TCERG1L: variants seen among roughly 807,000 people sequenced by gnomAD.
TCERG1L encodes transcription elongation regulator 1 like.
In TCERG1L, 37 loss-of-function variants were observed where a neutral mutation model predicts 56.3. The ratio of observed to expected loss-of-function variants is 0.66; its 90% CI spans 0.51 to 0.87. TCERG1L has a LOEUF of 0.87. Ranked by LOEUF, TCERG1L falls within the 40% of genes least tolerant of loss-of-function variation. The pLI, the probability that TCERG1L is intolerant of heterozygous loss-of-function variation, is 0.00. For missense variants in TCERG1L, 799 were observed against 774.2 expected (o/e 1.03, Z -0.38); for synonymous variants, 324 against 326.3 (o/e 0.99, Z 0.08).
chr10:131,193,512 G>C (rs1845326515), intron 4 of TCERG1L, among the ~76,000 whole-genome samples: 1 of 152,154 alleles, frequency 6.6e-6, no homozygotes, highest in Admixed American at 6.5e-5. Flanking sequence ...TTCTTGAGCT[G>C]ACTTTTGTAT....
rs1846299318 is a variant in TCERG1L at position 131,267,511 on chromosome 10, T to C, written c.671-7067A>G. The stretch of plus-strand genomic sequence containing the variant: ...TCCTGCCTGTCCCAGCTCTGCAAAG[T>C]GAGCAGACCTGGCTGTGCCCTTCTC... On this transcript the variant is annotated intron_variant, in intron 3 of 11. Coordinates refer to ENST00000368642, the MANE Select transcript of TCERG1L (RefSeq NM_174937.4). The surrounding 1 kb of genome is among the most constrained non-coding windows in gnomAD (Gnocchi z 4.9). Among the ~76,000 whole-genome samples, 3 of 152,164 alleles carry C rather than the reference T, an allele frequency of 2.0e-5. No homozygotes were observed. Among genetic ancestry groups the C allele is most frequent in the Non-Finnish European group, 4.4e-5 (3 of 68,030 alleles).
intron 4 of TCERG1L, among the ~76,000 whole-genome samples, chr10:131,231,952 G>A (rs886179931): frequency 3.3e-5 from 5 of 152,272 alleles, no homozygotes; most frequent in Middle Eastern, 3.4e-3. Context: ...GTAGGAAGTT[G>A]AGGAAGCTGC....
chr10:131,131,030 C>T (rs1406175389), intron 8 of TCERG1L, among the ~76,000 whole-genome samples: 1 of 152,162 alleles, frequency 6.6e-6, no homozygotes, highest in Non-Finnish European at 1.5e-5. Context: ...CCGTGAGCAC[C>T]CACGCAAGCT....
chr10:131,201,430 G>A (rs921550406), intron 4 of TCERG1L, among the ~76,000 whole-genome samples: 1 of 152,144 alleles, frequency 6.6e-6, no homozygotes, highest in East Asian at 1.9e-4. Flanking sequence ...AGCGCCAAGA[G>A]TTCCCCGGGG....
chr10:131,164,351 T>C (rs1190606461), intron 5 of TCERG1L, among the ~76,000 whole-genome samples: 1 of 152,122 alleles, frequency 6.6e-6, no homozygotes, highest in Admixed American at 6.5e-5. Flanking sequence ...ACAATTCAGA[T>C]GAACTCCTTT....
intron 3 of TCERG1L, among the ~76,000 whole-genome samples, chr10:131,268,523 C>T (rs1589767331): frequency 2.0e-5 from 3 of 152,292 alleles, no homozygotes; most frequent in Admixed American, 2.0e-4. Context: ...AGTTTTGAAG[C>T]CCATCACTGA....
chr10:131,184,891 T>A (rs570851889), intron 4 of TCERG1L, among the ~76,000 whole-genome samples: 3 of 152,284 alleles, frequency 2.0e-5, no homozygotes, highest in African/African-American at 7.2e-5. Flanking sequence ...AAGTCACTAT[T>A]ACAAAACACA....
At chr10:131,189,832 C>G (rs1407018643) in intron 4 of TCERG1L, among the ~76,000 whole-genome samples, 1 of 152,034 alleles carries the variant, frequency 6.6e-6, no homozygotes, top group African/African-American at 2.4e-5. Flanking sequence ...GAATCCTCAC[C>G]AACATCTGCT....
intron 4 of TCERG1L, among the ~76,000 whole-genome samples, chr10:131,187,395 G>A (rs1845255981): frequency 6.6e-6 from 1 of 152,208 alleles, no homozygotes; most frequent in African/African-American, 2.4e-5. Context: ...AGACTCTCCA[G>A]TTGTACTAGA....
chr10:131,303,322 A>G (rs1589778438), intron 3 of TCERG1L, among the ~76,000 whole-genome samples: 1 of 152,200 alleles, frequency 6.6e-6, no homozygotes, highest in African/African-American at 2.4e-5. Flanking sequence ...CGCCATTCTA[A>G]CTGGCATAAG....
chr10:131,177,155 CACAG>C (rs1261124835), intron 4 of TCERG1L, among the ~76,000 whole-genome samples: 2 of 152,212 alleles, frequency 1.3e-5, no homozygotes, highest in East Asian at 3.8e-4. Flanking sequence ...CACGTGTACA[CACAG>C]AGACACATGG....
intron 3 of TCERG1L, among the ~76,000 whole-genome samples, chr10:131,288,617 C>A (rs1319665883): frequency 6.6e-6 from 1 of 152,148 alleles, no homozygotes; most frequent in Non-Finnish European, 1.5e-5. Flanking sequence ...TACCTCGGAA[C>A]GGGCCCTTAC....
chr10:131,186,311 C>A (rs797018410), intron 4 of TCERG1L, among the ~76,000 whole-genome samples: 3 of 152,114 alleles, frequency 2.0e-5, no homozygotes, highest in African/African-American at 7.2e-5. Context: ...ATGGTAATTG[C>A]GCTCAATGCT....
At chr10:131,135,918 G>A (rs997636037) in intron 7 of TCERG1L, among the ~76,000 whole-genome samples, 24 of 152,248 alleles carry the variant, frequency 1.6e-4, no homozygotes, top group African/African-American at 5.5e-4. Context: ...CAGCCCGGGC[G>A]GAGCTTCCTG....
At chr10:131,097,200 CAAAAAAAAAAAAAA>C (rs1161006867) in intron 11 of TCERG1L, among the ~76,000 whole-genome samples, 1 of 91,052 alleles carries the variant, frequency 1.1e-5, no homozygotes, top group Non-Finnish European at 2.1e-5. Flanking sequence ...GGGTCTGTCT[CAAAAAAAAAAAAAA>C]AAAAAAAAGA....
intron 6 of TCERG1L, among the ~76,000 whole-genome samples, chr10:131,148,105 C>T (rs775281736): frequency 5.9e-5 from 9 of 152,214 alleles, no homozygotes; most frequent in East Asian, 1.9e-4. Context: ...AAGACGTCCA[C>T]GTCCTGATCC....
At chr10:131,305,487 A>C (rs1846810772) in intron 3 of TCERG1L, among the ~76,000 whole-genome samples, 1 of 152,066 alleles carries the variant, frequency 6.6e-6, no homozygotes, top group South Asian at 2.1e-4. Flanking sequence ...GAGAGATTCC[A>C]ACTTAGCTCA....
chr10:131,188,439 G>A (rs955493652), intron 4 of TCERG1L, among the ~76,000 whole-genome samples: 1 of 152,156 alleles, frequency 6.6e-6, no homozygotes, highest in Non-Finnish European at 1.5e-5. Flanking sequence ...CAGTCTGAGA[G>A]CAATGAACTT....
At chr10:131,140,040 C>T (rs1026175477) in intron 7 of TCERG1L, among the ~76,000 whole-genome samples, 1 of 152,098 alleles carries the variant, frequency 6.6e-6, no homozygotes, top group Non-Finnish European at 1.5e-5. Context: ...GTAGGCACAA[C>T]CTTTGGTAAA....
Sources: allele counts gnomAD v4.1 joint callset (sites outside exome capture counted in the v4.1 genomes callset), GRCh38; gene constraint gnomAD v4.1.1; non-coding constraint Gnocchi (gnomAD v3.1); transcripts MANE v1.5; gene names NCBI Gene and HGNC (gene_info 2026-07-23, HGNC 2026-07-21).